MAPRE3: variants seen among roughly 807,000 people sequenced by gnomAD.
The protein encoded by MAPRE3 is microtubule associated protein RP/EB family member 3.
MAPRE3 carries 2 observed loss-of-function variants against 30.5 expected under a neutral mutation model. The ratio of observed to expected loss-of-function variants is 0.07; its 90% CI spans 0.03 to 0.21. MAPRE3 has a LOEUF of 0.21. MAPRE3 is among the 10% of genes least tolerant of loss of function. The pLI is 1.00. For synonymous variants in MAPRE3, 110 were observed against 127.7 expected, an observed-to-expected ratio of 0.86 and a Z score of 0.93; for missense variants, 204 against 351.8, an observed-to-expected ratio of 0.58 and a Z score of 3.36.
In MAPRE3 at chr2:27,026,339, C is replaced by T. The variant is rs1667242503; in HGVS notation, c.837C>T (p.Asp279=). 8 of 1,613,880 alleles carry T rather than the reference C, an allele frequency of 5.0e-6. No homozygotes were observed. The South Asian group carries it at 6.6e-5, about 13-fold the overall frequency. ...EIEEHQQEDQ[D]EY ...AAGAGCATCAACAAGAAGACCAGGA[C>T]GAGTACTGAGGGCGGCCGCAGCCCT... The change falls in exon 7 of 7, where the codon GAC becomes GAT. Residue 279 remains aspartate, a synonymous_variant. Transcript: ENST00000233121.
In MAPRE3 at chr2:27,024,227, G is replaced by A; in HGVS notation, c.399G>A (p.Gln133=). ...DYNPLLARQG[Q]DVAPPPNPGD... Reference sequence around the variant, plus strand: ...ACCCTCTGCTGGCGCGGCAGGGCCAGGACGTAGCGCCACCTCCTAACCCAG... The same window carrying A: ...ACCCTCTGCTGGCGCGGCAGGGCCAAGACGTAGCGCCACCTCCTAACCCAG... The change falls in exon 4 of 7, where the codon CAG becomes CAA. Residue 133 remains glutamine (Q), a synonymous_variant. Transcript: ENST00000233121. 1 of 1,614,268 alleles carries A rather than the reference G, an allele frequency of 6.2e-7. No homozygotes were observed. The highest frequency in any genetic ancestry group is 1.1e-5 in the South Asian group (1 of 91,082).
intron 1 of MAPRE3, among the ~76,000 whole-genome samples, chr2:26,983,497 A>G (rs1666158982): frequency 6.6e-6 from 1 of 152,216 alleles, no homozygotes; most frequent in African/African-American, 2.4e-5. Flanking sequence ...TTAGGAGGTC[A>G]TAACACAAGA....
intron 1 of MAPRE3, among the ~76,000 whole-genome samples, chr2:27,020,165 GC>G (rs927100002): frequency 1.1e-4 from 16 of 152,220 alleles, no homozygotes; most frequent in African/African-American, 3.4e-4. Context: ...GTAGGAAGCT[GC>G]CTATAGCTCC....
intron 3 of MAPRE3, 173 bp from the exon 4 acceptor site, chr2:27,023,923 G>C (rs1667170179): frequency 1.0e-5 from 6 of 597,050 alleles, no homozygotes; most frequent in Non-Finnish European, 1.8e-5. Context: ...TCTGACACTA[G>C]GGCCTACCAG....
intron 1 of MAPRE3, among the ~76,000 whole-genome samples, chr2:26,976,936 A>G (rs1666025881): frequency 6.6e-6 from 1 of 152,274 alleles, no homozygotes; most frequent in Non-Finnish European, 1.5e-5. Context: ...TATTAATGCA[A>G]CATTACTAGT....
chr2:26,979,514 A>C (rs1666075393), intron 1 of MAPRE3, among the ~76,000 whole-genome samples: 1 of 152,152 alleles, frequency 6.6e-6, no homozygotes, highest in Non-Finnish European at 1.5e-5. Flanking sequence ...TGAGCCCAGG[A>C]GTTTGAGGCT....
chr2:27,024,824 G>T (rs1667199161), intron 4 of MAPRE3, among the ~76,000 whole-genome samples: 1 of 152,208 alleles, frequency 6.6e-6, no homozygotes, highest in Admixed American at 6.5e-5. Flanking sequence ...AGGGAGAAAA[G>T]CAATAGGGCC....
chr2:26,988,588 TAGTC>T (rs1050552816), intron 1 of MAPRE3, among the ~76,000 whole-genome samples: 11 of 152,358 alleles, frequency 7.2e-5, no homozygotes, highest in Non-Finnish European at 1.6e-4. Flanking sequence ...CTCAGCTTAA[TAGTC>T]AGTCCACTGA....
chr2:26,981,444 G>T (rs1212510136), intron 1 of MAPRE3, among the ~76,000 whole-genome samples: 1 of 152,148 alleles, frequency 6.6e-6, no homozygotes, highest in Non-Finnish European at 1.5e-5. Context: ...CGGAAAACAG[G>T]TTTAGAATAT....
At chr2:26,980,937 G>A (rs935893043) in intron 1 of MAPRE3, among the ~76,000 whole-genome samples, 4 of 152,176 alleles carry the variant, frequency 2.6e-5, no homozygotes, top group African/African-American at 9.6e-5. Context: ...AGGTTCCTTT[G>A]AAGAGAAGAG....
chr2:27,007,643 G>T (rs932787535), intron 1 of MAPRE3, among the ~76,000 whole-genome samples: 8 of 152,130 alleles, frequency 5.3e-5, no homozygotes, highest in African/African-American at 1.9e-4. Context: ...GATATTTAAG[G>T]TCCTTGAGGT....
intron 4 of MAPRE3, among the ~76,000 whole-genome samples, chr2:27,024,828 T>C (rs979871485): frequency 1.3e-5 from 2 of 151,932 alleles, no homozygotes; most frequent in Non-Finnish European, 2.9e-5. Flanking sequence ...AGAAAAGCAA[T>C]AGGGCCTTTG....
intron 1 of MAPRE3, among the ~76,000 whole-genome samples, chr2:26,975,583 T>G (rs1407261216): frequency 6.6e-6 from 1 of 150,822 alleles, no homozygotes; most frequent in Non-Finnish European, 1.5e-5. Context: ...GCAATAATGT[T>G]TACCTCTGGG....
At chr2:26,971,619 C>CTT (rs201981015) in intron 1 of MAPRE3, among the ~76,000 whole-genome samples, 23 of 141,430 alleles carry the variant, frequency 1.6e-4, no homozygotes, top group African/African-American at 5.7e-4. Context: ...CTTTAAAATG[C>CTT]TTTTTTTTTT....
chr2:26,991,044 C>G (rs540535253), intron 1 of MAPRE3, among the ~76,000 whole-genome samples: 14 of 152,228 alleles, frequency 9.2e-5, no homozygotes, highest in Admixed American at 2.6e-4. Flanking sequence ...ACGAGGTCTG[C>G]AGATTGAGAC....
At chr2:26,973,085 CT>C (rs1665945520) in intron 1 of MAPRE3, among the ~76,000 whole-genome samples, 1 of 152,188 alleles carries the variant, frequency 6.6e-6, no homozygotes, top group African/African-American at 2.4e-5. Context: ...TTACCAATAG[CT>C]TTTAGGTAAA....
At chr2:26,995,780 GGTGTGTGTGTGTGTGTGTGTGTGTGT>G (rs1276648645) in intron 1 of MAPRE3, among the ~76,000 whole-genome samples, 2 of 109,638 alleles carry the variant, frequency 1.8e-5, no homozygotes, top group Admixed American at 1.1e-4. Context: ...TTCTAAGAGA[GGTGTGTGTGTGTGTGTGTGTGTGTGT>G]GTGTGTGTGT....
At chr2:27,004,730 A>T (rs1666684075) in intron 1 of MAPRE3, among the ~76,000 whole-genome samples, 2 of 141,840 alleles carry the variant, frequency 1.4e-5, no homozygotes, top group South Asian at 2.3e-4. Context: ...GGATCTAGTA[A>T]AAAAAAAAAA....
intron 1 of MAPRE3, chr2:27,012,339 A>G (rs1572765538): frequency 1.3e-5 from 2 of 152,308 alleles, no homozygotes; most frequent in Admixed American, 6.5e-5. Flanking sequence ...TTCCTGCACC[A>G]GTGTGGTGGT....
Sources: gnomAD v4.1 joint callset for allele counts (sites outside exome capture counted in the v4.1 genomes callset) on GRCh38, gnomAD v4.1.1 for gene constraint, MANE v1.5 for transcripts, NCBI Gene and HGNC (gene_info 2026-07-23, HGNC 2026-07-21) for gene names.